SREBF1: variants seen among roughly 807,000 people sequenced by gnomAD.
The protein encoded by SREBF1 is sterol regulatory element-binding protein 1.
Under a neutral mutation model 100.1 loss-of-function variants are expected in SREBF1, and 45 were observed. That is an observed-to-expected ratio of 0.45 (90% CI 0.35 to 0.58). SREBF1 has a LOEUF of 0.58. Ranked by LOEUF, SREBF1 falls within the 20% of genes least tolerant of loss-of-function variation. The pLI, the probability that SREBF1 is intolerant of heterozygous loss-of-function variation, is 0.00. For synonymous variants in SREBF1, 657 were observed against 681.8 expected (o/e 0.96, Z 0.57); for missense variants, 1,324 against 1,539.4 (o/e 0.86, Z 2.34).
Position 17,815,348 on chromosome 17 carries a change from G to A in SREBF1, c.2384-19C>T, listed in dbSNP as rs763800879. 16 of 1,603,318 alleles carry A rather than the reference G, an allele frequency of 1.0e-5. No individual in the cohort carries two copies. Among genetic ancestry groups the A allele is most frequent in the Non-Finnish European group, 1.4e-5 (16 of 1,171,122 alleles). On this transcript the variant is annotated intron_variant, in intron 12 of 18. Transcript: ENST00000261646. ...GGGTCCACTGTGGAGAGGAGGAGGT[G>A]AGTGGGGTGGGGAGCAGGGCCCCAC...
In SREBF1 at chr17:17,811,683, G is replaced by A. The variant is rs2143008059; in HGVS notation, c.*939C>T. The A allele has an allele frequency of 2.2e-6, 1 of 453,758 alleles. No homozygotes were observed. Among genetic ancestry groups the A allele is most frequent in the Non-Finnish European group, 4.4e-6 (1 of 225,884 alleles). The allele number at this position is 453,758 out of a possible 1,614,324, so 28.1% of individuals were successfully genotyped here. ...GAGATGACCAGGGGCCGGGATGGGG[G>A]AGGTGAGACGTGCCAGACTTCTTGC... is the stretch of plus-strand genomic sequence containing the variant. On this transcript the variant is annotated 3_prime_UTR_variant, in exon 19 of 19. Transcript: ENST00000261646.
chr17:17,815,025 G>A, intron 13 of SREBF1, 81 bp from the exon 14 acceptor site: 1 of 1,380,842 alleles, frequency 7.2e-7, no homozygotes, highest in Non-Finnish European at 1.0e-6. Flanking sequence ...CCAGAGTACA[G>A]CCTGGCCCCT....
chr17:17,829,392 A>G (rs2034720089), intron 1 of SREBF1, among the ~76,000 whole-genome samples: 1 of 151,568 alleles, frequency 6.6e-6, no homozygotes, highest in African/African-American at 2.4e-5. Context: ...GAAAAGATAA[A>G]GCCCTTTACA....
Position 17,813,727 on chromosome 17 carries a change from T to C in SREBF1, c.2944A>G (p.Thr982Ala). ...FLCDLLLVVR[T>A]SLWRQQQPPA... ...GGCTGCTGCTGCCGCCACAGGCTGGTGCGCACCACAAGAAGCAGGTCACAC... is the reference window on the plus strand; with the variant it reads ...GGCTGCTGCTGCCGCCACAGGCTGGCGCGCACCACAAGAAGCAGGTCACAC... Residue 982 changes from threonine (T) to alanine (A), a missense_variant, in exon 17 of 19, where the codon ACC (threonine) becomes GCC (alanine). Coordinates refer to ENST00000261646, the MANE Select transcript of SREBF1 (RefSeq NM_004176.5). 1.3e-6 allele frequency: 2 copies of C among 1,535,776 alleles called. No individual in the cohort carries two copies. The highest frequency in any genetic ancestry group is 8.7e-7 in the Non-Finnish European group (1 of 1,147,050).
intron 15 of SREBF1, 36 bp from the exon 16 acceptor site, chr17:17,814,446 C>A (rs766703763): frequency 1.6e-4 from 243 of 1,548,556 alleles, no homozygotes; most frequent in Non-Finnish European, 2.0e-4. Context: ...CCAGTCAGAC[C>A]AGTCCACAAG....
chr17:17,812,788 G>A lies in SREBF1; in HGVS notation c.3278C>T (p.Ala1093Val), dbSNP rs1210027948. 9.2e-6 allele frequency: 14 copies of A among 1,525,248 alleles called. No individual in the cohort carries two copies. The highest frequency in any genetic ancestry group is 1.2e-5 in the Non-Finnish European group (14 of 1,137,282). The allele number at this position is 1,525,248 out of a possible 1,614,324, so 94.5% of individuals were successfully genotyped here. The part of the protein sequence containing the change: ...RREHAEALLL[A>V]SCYLPPGFLS... ...GAAGCCGGGGGGCAGGTAGCAGGAG[G>A]CCAGCAGCAAGGCCTCCGCGTGCTC... The change falls in exon 19 of 19, where the codon GCC becomes GTC. Residue 1093 changes from alanine to valine, a missense_variant. Transcript: ENST00000261646.
At chr17:17,816,778 A>C in intron 9 of SREBF1, 60 bp from the exon 10 acceptor site, 4 of 1,567,674 alleles carry the variant, frequency 2.6e-6, no homozygotes, top group African/African-American at 1.3e-5. Flanking sequence ...CCCAAAGCTC[A>C]GAAGAGCCGT....
Position 17,817,689 on chromosome 17 carries a change from G to A in SREBF1, c.1404+7C>T, listed in dbSNP as rs757843997. ...GTGGGGAAGGGGGCACCGTGGCAGG[G>A]CCCAACCTTGCTGTCCTCAAAGACT... is the stretch of plus-strand genomic sequence containing the variant. On this transcript the variant is annotated splice_region_variant and intron_variant, in intron 7 of 18. Coordinates refer to ENST00000261646, the MANE Select transcript of SREBF1 (RefSeq NM_004176.5). This position sits in a 1 kb window ranked among gnomAD's most constrained non-coding sequence, Gnocchi z 6.6. 4 of 1,612,832 alleles carry A rather than the reference G, an allele frequency of 2.5e-6. No individual in the cohort carries two copies. Among genetic ancestry groups the A allele is most frequent in the Non-Finnish European group, 8.5e-7 (1 of 1,179,880 alleles).
At chr17:17,827,501 C>T (rs1253799758) in intron 1 of SREBF1, among the ~76,000 whole-genome samples, 1 of 152,198 alleles carries the variant, frequency 6.6e-6, no homozygotes, top group East Asian at 1.9e-4. Context: ...CCTTGATCCT[C>T]CTAACTGGAG....
chr17:17,821,007 A>C (rs1356960672), intron 1 of SREBF1: 1 of 189,890 alleles, frequency 5.3e-6, no homozygotes, highest in African/African-American at 2.3e-5. Context: ...CCCGGCTGTG[A>C]ATAAGGGAAA....
chr17:17,820,315 GA>G lies in SREBF1; in HGVS notation c.297del (p.Gln101SerfsTer7). On this transcript the variant is annotated frameshift_variant, in exon 2 of 19. Transcript: ENST00000261646. LOFTEE classifies it high-confidence loss of function. ...GPQAAPSPLSPPQPAPTPLKM... is the reference protein window; with the variant it reads ...GPQAAPSPLSXPQPAPTPLKM... Reference sequence around the variant, plus strand: ...TTCAATGGAGTGGGTGCAGGCTGGGGAGGGGACAGGGGTGAGGGCGCTGCCT... The same window carrying G: ...TTCAATGGAGTGGGTGCAGGCTGGGGGGGGACAGGGGTGAGGGCGCTGCCT... 3.1e-6 allele frequency: 5 copies of G among 1,613,850 alleles called. No individual in the cohort carries two copies. Among genetic ancestry groups the G allele is most frequent in the Non-Finnish European group, 4.2e-6 (5 of 1,179,954 alleles).
rs768174420 is a variant in SREBF1 at position 17,820,138 on chromosome 17, A to G, written c.475T>C (p.Ser159Pro). ...FPAPAPPQFS[S>P]TPVLGYPSPP... ...CTGGGGTAGCCTAACACAGGGGTGG[A>G]GCTGAACTGCGGTGGGGCTGGGGCT... The change falls in exon 2 of 19, where the codon TCC becomes CCC. Residue 159 changes from serine (S) to proline (P), a missense_variant. Coordinates refer to ENST00000261646, the MANE Select transcript of SREBF1 (RefSeq NM_004176.5). 6.2e-7 allele frequency: 1 copy of G among 1,612,930 alleles called. No homozygotes were observed. Among genetic ancestry groups the G allele is most frequent in the Non-Finnish European group, 8.5e-7 (1 of 1,179,754 alleles).
chr17:17,820,033 C>T (rs1399133009), intron 2 of SREBF1, 57 bp downstream of exon 2: 1 of 1,533,818 alleles, frequency 6.5e-7, no homozygotes, highest in Non-Finnish European at 8.8e-7. Flanking sequence ...GAAGCTTCTT[C>T]CTGTGCTCCT....
At chr17:17,828,804 C>T (rs140670394) in intron 1 of SREBF1, among the ~76,000 whole-genome samples, 7 of 152,256 alleles carry the variant, frequency 4.6e-5, no homozygotes, top group African/African-American at 9.6e-5. Context: ...GTCTCCATTA[C>T]TCTGGAGGCT....
chr17:17,836,046 C>G (rs1426546148), intron 1 of SREBF1, among the ~76,000 whole-genome samples: 1 of 152,268 alleles, frequency 6.6e-6, no homozygotes, highest in Non-Finnish European at 1.5e-5. Flanking sequence ...CTGCCCTCCC[C>G]CAGCCTCGCT....
In SREBF1 at chr17:17,811,953, C is replaced by G. The variant is rs1567947208; in HGVS notation, c.*669G>C. The G allele has an allele frequency of 2.2e-6, 1 of 448,044 alleles. No homozygotes were observed. The highest frequency in any genetic ancestry group is 4.5e-6 in the Non-Finnish European group (1 of 224,318). The allele number at this position is 448,044 out of a possible 1,614,324, so 27.8% of individuals were successfully genotyped here. ...ACTAACAAACAAACATCGGGAAGAG[C>G]TAAGTTAAAAGTTGTGTACCTTGTG... On this transcript the variant is annotated 3_prime_UTR_variant, in exon 19 of 19. Transcript: ENST00000261646.
intron 1 of SREBF1, chr17:17,820,822 C>T: frequency 2.1e-6 from 1 of 466,358 alleles, no homozygotes; most frequent in Non-Finnish European, 4.0e-6. Context: ...GGGGCTGAGC[C>T]CAGGGTCGGG....
At position 17,815,947 on chromosome 17, in the gene SREBF1, G is replaced by C; in HGVS notation, c.2296C>G (p.Pro766Ala). The C allele has an allele frequency of 6.2e-7, 1 of 1,612,878 alleles. No homozygotes were observed. The highest frequency in any genetic ancestry group is 8.5e-7 in the Non-Finnish European group (1 of 1,179,920). ...VPPAMQWLCH[P>A]VGHRFFVDGD... ...TCCACGAAGAAACGGTGGCCCACGG[G>C]GTGGCAGAGCCACTGCATGGCAGGA... is the stretch of plus-strand genomic sequence containing the variant. Residue 766 changes from proline to alanine, a missense_variant, in exon 12 of 19, where the codon CCC becomes GCC. By Grantham distance (27) the Pro-to-Ala change is conservative. Coordinates refer to ENST00000261646, the MANE Select transcript of SREBF1 (RefSeq NM_004176.5).
chr17:17,818,854 G>C (rs2033858672), intron 5 of SREBF1, 159 bp downstream of exon 5: 2 of 825,732 alleles, frequency 2.4e-6, no homozygotes, highest in Admixed American at 4.0e-5. Flanking sequence ...CTGCAAACCA[G>C]TTTAACTAAA....
Sources: allele counts gnomAD v4.1 joint callset (sites outside exome capture counted in the v4.1 genomes callset), GRCh38; gene constraint gnomAD v4.1.1; non-coding constraint Gnocchi (gnomAD v3.1); transcripts MANE v1.5; gene names NCBI Gene and HGNC (gene_info 2026-07-23, HGNC 2026-07-21).